The following SUGCT variants were observed in gnomAD, a reference collection of about 807,000 sequenced individuals.
The protein encoded by SUGCT is succinyl-CoA:glutarate CoA-transferase.
In SUGCT, 41 loss-of-function variants were observed where a neutral mutation model predicts 55.0. The observed-to-expected ratio is 0.74, with a 90% CI of 0.58 to 0.97. SUGCT has a LOEUF of 0.97. SUGCT is among the 50% of genes least tolerant of loss of function. The probability of loss-of-function intolerance (pLI) is 0.00; values close to 1 mark genes in which losing one functional copy is unlikely to be tolerated. For synonymous variants in SUGCT, 187 were observed against 200.4 expected (o/e 0.93, Z 0.56); for missense variants, 568 against 547.8 (o/e 1.04, Z -0.37).
the SUGCT span, among the ~76,000 whole-genome samples, chr7:40,924,448 C>T: frequency 1.3e-5 from 2 of 152,112 alleles, no homozygotes; most frequent in Non-Finnish European, 2.9e-5. Context: ...TGGGGCATTG[C>T]CAGGTTGCCC....
intron 12 of SUGCT, among the ~76,000 whole-genome samples, chr7:40,626,635 A>G (rs963301748): frequency 1.8e-4 from 28 of 152,326 alleles, no homozygotes; most frequent in African/African-American, 6.0e-4. Flanking sequence ...GATTCAGGAA[A>G]GAATGAAATG....
the SUGCT span, among the ~76,000 whole-genome samples, chr7:40,868,734 T>G: frequency 6.6e-6 from 1 of 152,006 alleles, no homozygotes. Context: ...TTTATAGAGG[T>G]GGGGGTCTCA....
intron 12 of SUGCT, among the ~76,000 whole-genome samples, chr7:40,724,060 A>G (rs964052106): frequency 6.6e-6 from 1 of 152,224 alleles, no homozygotes; most frequent in South Asian, 2.1e-4. Flanking sequence ...AAATGAAAAG[A>G]TATTTATGCT....
chr7:40,870,824 T>C, the SUGCT span, among the ~76,000 whole-genome samples: 2 of 152,344 alleles, frequency 1.3e-5, no homozygotes, highest in Non-Finnish European at 2.9e-5. Flanking sequence ...GACTAGTTGA[T>C]ATTTGTTTTA....
At chr7:40,569,151 G>A (rs915163392) in intron 12 of SUGCT, among the ~76,000 whole-genome samples, 2 of 152,134 alleles carry the variant, frequency 1.3e-5, no homozygotes, top group African/African-American at 2.4e-5. Context: ...TAAGTCAATT[G>A]CTTGAAATAT....
chr7:40,778,951 G>A (rs1182356713), intron 13 of SUGCT, among the ~76,000 whole-genome samples: 2 of 152,150 alleles, frequency 1.3e-5, no homozygotes, highest in African/African-American at 4.8e-5. Flanking sequence ...CCTCAGGAAT[G>A]TTAGCATGGA....
intron 12 of SUGCT, chr7:40,539,055 G>C (rs903433286): frequency 2.6e-5 from 4 of 151,694 alleles, no homozygotes; most frequent in African/African-American, 9.8e-5. Flanking sequence ...TTCCAGCCTG[G>C]GCGACAGAGC....
chr7:40,715,207 A>G (rs895054391), intron 12 of SUGCT, among the ~76,000 whole-genome samples: 3 of 152,230 alleles, frequency 2.0e-5, no homozygotes, highest in African/African-American at 7.2e-5. Context: ...TGAACGATCT[A>G]TTCATTTCAG....
At position 40,203,001 on chromosome 7, in the gene SUGCT, G is replaced by A. The variant is rs116387072; in HGVS notation, c.484+7941G>A. Among the ~76,000 whole-genome samples, 329 of 152,268 alleles carry A rather than the reference G, an allele frequency of 2.2e-3. 2 individuals carry two copies. The highest frequency in any genetic ancestry group is 0.014 in the Middle Eastern group (4 of 294). On this transcript the variant is annotated intron_variant, in intron 6 of 13. Transcript: ENST00000335693. ...GCCTTTGGTATTCTTTCAGACACATGCCACAGGTGCTTAGGTAATTCCAAA... is the reference window on the plus strand; with the variant it reads ...GCCTTTGGTATTCTTTCAGACACATACCACAGGTGCTTAGGTAATTCCAAA...
At chr7:40,204,536 T>C (rs1156309230) in intron 6 of SUGCT, among the ~76,000 whole-genome samples, 1 of 152,018 alleles carries the variant, frequency 6.6e-6, no homozygotes, top group Non-Finnish European at 1.5e-5. Flanking sequence ...TCTCCTGGCC[T>C]CGTGATCTGC....
chr7:40,528,288 A>G (rs566234870), intron 12 of SUGCT, among the ~76,000 whole-genome samples: 1 of 152,282 alleles, frequency 6.6e-6, no homozygotes, highest in Admixed American at 6.5e-5. Context: ...GAGAGGAAAG[A>G]TTACAACAAC....
intron 7 of SUGCT, among the ~76,000 whole-genome samples, chr7:40,264,206 A>G (rs1372362159): frequency 1.3e-5 from 2 of 152,174 alleles, no homozygotes; most frequent in African/African-American, 4.8e-5. Flanking sequence ...ATCGAACTAC[A>G]GGATCCTTTC....
intron 13 of SUGCT, chr7:40,783,407 T>G (rs1789855998): frequency 6.6e-6 from 1 of 152,208 alleles, no homozygotes; most frequent in Non-Finnish European, 1.5e-5. Flanking sequence ...AGCATTCTTA[T>G]TTCCCCTTTC....
At chr7:40,445,291 C>T (rs546081152) in intron 9 of SUGCT, among the ~76,000 whole-genome samples, 52 of 151,994 alleles carry the variant, frequency 3.4e-4, no homozygotes, top group Admixed American at 1.3e-3. Flanking sequence ...ATCAAATAGA[C>T]GCAATAAAAA....
intron 12 of SUGCT, among the ~76,000 whole-genome samples, chr7:40,687,184 C>A (rs1211000695): frequency 6.6e-6 from 1 of 152,036 alleles, no homozygotes; most frequent in East Asian, 1.9e-4. Flanking sequence ...AAAAAAAATT[C>A]TCTACTGTCA....
At chr7:41,033,584 G>A in the SUGCT span, among the ~76,000 whole-genome samples, 12 of 152,136 alleles carry the variant, frequency 7.9e-5, no homozygotes, top group African/African-American at 2.9e-4. Context: ...TTATCTTAGA[G>A]GTTTTACAGT....
chr7:40,689,777 G>A (rs960119237), intron 12 of SUGCT, among the ~76,000 whole-genome samples: 2 of 148,582 alleles, frequency 1.3e-5, no homozygotes, highest in African/African-American at 5.0e-5. Context: ...TGGATGGATT[G>A]AAGGGTGGGG....
At chr7:40,487,950 A>G (rs902443323) in intron 11 of SUGCT, among the ~76,000 whole-genome samples, 3 of 152,002 alleles carry the variant, frequency 2.0e-5, no homozygotes, top group Non-Finnish European at 4.4e-5. Context: ...AAGAAAAGAA[A>G]ACCAACTGGT....
intron 12 of SUGCT, among the ~76,000 whole-genome samples, chr7:40,699,726 G>A (rs963514230): frequency 1.3e-5 from 2 of 151,938 alleles, no homozygotes; most frequent in African/African-American, 4.8e-5. Flanking sequence ...AAAATGAGCC[G>A]AGCCTGGTGG....
Sources: gnomAD v4.1 joint callset for allele counts (sites outside exome capture counted in the v4.1 genomes callset) on GRCh38, gnomAD v4.1.1 for gene constraint, MANE v1.5 for transcripts, NCBI Gene and HGNC (gene_info 2026-07-23, HGNC 2026-07-21) for gene names.